The following GPC6 variants were observed in gnomAD, a reference collection of about 807,000 sequenced individuals.
The protein encoded by GPC6 is glypican-6.
In GPC6, 14 loss-of-function variants were observed where a neutral mutation model predicts 55.2. The observed-to-expected ratio is 0.25, with a 90% CI of 0.17 to 0.40. The LOEUF (loss-of-function observed/expected upper bound fraction) is 0.40, where lower values mean the gene tolerates loss of function less well. Among genes scored for constraint, GPC6 ranks in the 10% least tolerant of loss-of-function variants. The pLI, the probability that GPC6 is intolerant of heterozygous loss-of-function variation, is 1.00. For missense variants in GPC6, 641 were observed against 708.5 expected (o/e 0.90, Z 1.08); for synonymous variants, 278 against 259.6 (o/e 1.07, Z -0.68).
intron 4 of GPC6, among the ~76,000 whole-genome samples, chr13:94,230,734 A>G (rs773210101): frequency 2.6e-5 from 4 of 152,214 alleles, no homozygotes; most frequent in Non-Finnish European, 5.9e-5. Context: ...AGTGTTCAGC[A>G]TACAGCCTAG....
intron 3 of GPC6, among the ~76,000 whole-genome samples, chr13:93,950,258 C>G (rs1406828316): frequency 1.3e-5 from 2 of 152,064 alleles, no homozygotes; most frequent in African/African-American, 4.8e-5. Context: ...CAACAACAAA[C>G]AGGAAATAAT....
chr13:93,575,236 A>G (rs1257948780), intron 2 of GPC6, among the ~76,000 whole-genome samples: 1 of 152,148 alleles, frequency 6.6e-6, no homozygotes. Flanking sequence ...GGTTGGAGTG[A>G]GCCAAGATTA....
chr13:93,418,901 T>A (rs1435424796), intron 1 of GPC6, among the ~76,000 whole-genome samples: 2 of 151,288 alleles, frequency 1.3e-5, no homozygotes, highest in African/African-American at 4.8e-5. Flanking sequence ...AATGGCACGA[T>A]ACCATAGTAT....
intron 1 of GPC6, among the ~76,000 whole-genome samples, chr13:93,329,274 C>T (rs978473534): frequency 6.6e-6 from 1 of 152,088 alleles, no homozygotes; most frequent in Non-Finnish European, 1.5e-5. Context: ...CTGATCCTAA[C>T]TACAAACAAA....
chr13:93,383,553 C>T (rs2139207305), intron 1 of GPC6, among the ~76,000 whole-genome samples: 1 of 152,248 alleles, frequency 6.6e-6, no homozygotes, highest in African/African-American at 2.4e-5. Context: ...GCTTGGCTCC[C>T]AGCTTCTCAT....
At position 93,538,537 on chromosome 13, in the gene GPC6, G is replaced by A. The variant is rs138738343; in HGVS notation, c.161-6726G>A. 1.7e-3 allele frequency among the ~76,000 whole-genome samples: 260 copies of A among 152,264 alleles called. 1 individual carries two copies. The highest frequency in any genetic ancestry group is 6.1e-3 in the African/African-American group (253 of 41,556). On this transcript the variant is annotated intron_variant, in intron 1 of 8. Coordinates refer to ENST00000377047, the MANE Select transcript of GPC6 (RefSeq NM_005708.5). ...CATGCCCCAGGCCATGAATAAAACTGGGCCAGGATCAGCGTTTTGCTGCCT... is the reference window on the plus strand; with the variant it reads ...CATGCCCCAGGCCATGAATAAAACTAGGCCAGGATCAGCGTTTTGCTGCCT...
intron 3 of GPC6, among the ~76,000 whole-genome samples, chr13:93,939,173 G>C (rs1878595294): frequency 6.6e-6 from 1 of 151,246 alleles, no homozygotes; most frequent in East Asian, 1.9e-4. Context: ...TTGAGCAGTT[G>C]AACATGTCTG....
At chr13:93,874,523 C>T (rs1277537547) in intron 3 of GPC6, among the ~76,000 whole-genome samples, 1 of 150,820 alleles carries the variant, frequency 6.6e-6, no homozygotes, top group African/African-American at 2.4e-5. Context: ...AAGTTAGCAT[C>T]AGGTCATGAC....
chr13:94,232,208 G>A (rs1890750092), intron 4 of GPC6, among the ~76,000 whole-genome samples: 1 of 152,100 alleles, frequency 6.6e-6, no homozygotes, highest in Admixed American at 6.6e-5. Context: ...CCTTTCATAT[G>A]ACCATGTTTA....
intron 2 of GPC6, among the ~76,000 whole-genome samples, chr13:93,763,003 G>A (rs1214406297): frequency 6.6e-6 from 1 of 152,182 alleles, no homozygotes; most frequent in South Asian, 2.1e-4. Flanking sequence ...GGCCCAGTTA[G>A]CTGGAGTGCT....
chr13:93,950,894 G>A (rs1464761204), intron 3 of GPC6, among the ~76,000 whole-genome samples: 1 of 152,034 alleles, frequency 6.6e-6, no homozygotes, highest in African/African-American at 2.4e-5. Flanking sequence ...TGGTGACTGG[G>A]AAGAGTTACA....
At chr13:94,189,327 T>G (rs1252642199) in intron 4 of GPC6, among the ~76,000 whole-genome samples, 1 of 152,166 alleles carries the variant, frequency 6.6e-6, no homozygotes, top group African/African-American at 2.4e-5. Context: ...AGAGGGATCC[T>G]TAGCCTGTCA....
chr13:94,013,166 A>G lies in GPC6; in HGVS notation c.712-14563A>G, dbSNP rs539324847. Among the ~76,000 whole-genome samples, 75 of 152,172 alleles carry G rather than the reference A, an allele frequency of 4.9e-4. 1 individual carries two copies. The South Asian group carries it at 0.015, about 29-fold the overall frequency. ...ATGTATTTAACTAGCAGAAAGAACT[A>G]TTTTATTCTAATGAATGAAAAATAT... On this transcript the variant is annotated intron_variant, in intron 3 of 8. Transcript: ENST00000377047.
At chr13:93,236,175 A>G (rs559390134) in intron 1 of GPC6, among the ~76,000 whole-genome samples, 1 of 152,302 alleles carries the variant, frequency 6.6e-6, no homozygotes, top group South Asian at 2.1e-4. Flanking sequence ...GGACCCTCAG[A>G]TGGGAGCTGA....
intron 2 of GPC6, among the ~76,000 whole-genome samples, chr13:93,678,519 A>C (rs2138761867): frequency 6.6e-6 from 1 of 152,308 alleles, no homozygotes; most frequent in South Asian, 2.1e-4. Context: ...GAAGGGCTTA[A>C]GTTTTGGCTA....
chr13:93,385,837 T>A (rs1043916538), intron 1 of GPC6, among the ~76,000 whole-genome samples: 1 of 151,916 alleles, frequency 6.6e-6, no homozygotes, highest in Non-Finnish European at 1.5e-5. Flanking sequence ...CCATTTTGGG[T>A]TCAACATGGC....
At chr13:94,100,640 C>T (rs573505749) in intron 4 of GPC6, among the ~76,000 whole-genome samples, 1 of 152,294 alleles carries the variant, frequency 6.6e-6, no homozygotes, top group Admixed American at 6.5e-5. Context: ...ACTTATTGAG[C>T]TGAGTCACTT....
At chr13:93,828,777 G>A (rs557845550) in intron 2 of GPC6, among the ~76,000 whole-genome samples, 9 of 152,176 alleles carry the variant, frequency 5.9e-5, no homozygotes, top group Admixed American at 5.9e-4. Flanking sequence ...TGCTGCTTTG[G>A]TCTGATTTGA....
At chr13:93,445,255 T>G (rs7992272) in intron 1 of GPC6, among the ~76,000 whole-genome samples, 56,880 of 151,998 alleles carry the variant, frequency 0.37, 11,131 homozygotes, top group East Asian at 0.63. Context: ...TCATAGTGAA[T>G]GTGATATCAT....
Sources: allele counts gnomAD v4.1 joint callset (sites outside exome capture counted in the v4.1 genomes callset), GRCh38; gene constraint gnomAD v4.1.1; transcripts MANE v1.5; gene names NCBI Gene and HGNC (gene_info 2026-07-23, HGNC 2026-07-21).